ROBO2: variants seen among roughly 807,000 people sequenced by gnomAD.
ROBO2 encodes the protein roundabout guidance receptor 2.
In ROBO2, 53 loss-of-function variants were observed where a neutral mutation model predicts 160.8. The ratio of observed to expected loss-of-function variants is 0.33; its 90% confidence interval spans 0.26 to 0.41. The LOEUF is 0.41. ROBO2 is among the 10% of genes least tolerant of loss of function. The pLI, the probability that ROBO2 is intolerant of heterozygous loss-of-function variation, is 1.00. For synonymous variants in ROBO2, 664 were observed against 611.7 expected, an observed-to-expected ratio of 1.09 and a Z score of -1.26; for missense variants, 1,577 against 1,722.4, an observed-to-expected ratio of 0.92 and a Z score of 1.49.
chr3:77,148,006 A>C (rs1409765555), intron 2 of ROBO2, among the ~76,000 whole-genome samples: 1 of 152,240 alleles, frequency 6.6e-6, no homozygotes, highest in African/African-American at 2.4e-5. Context: ...CTTTGCACAC[A>C]GAGACGCGAG....
intron 2 of ROBO2, among the ~76,000 whole-genome samples, chr3:77,246,471 T>A (rs908798407): frequency 6.6e-6 from 1 of 152,018 alleles, no homozygotes; most frequent in African/African-American, 2.4e-5. Context: ...GATCAATCCT[T>A]GGTTATATAT....
chr3:77,165,642 G>T (rs1243499077), intron 2 of ROBO2, among the ~76,000 whole-genome samples: 4 of 151,636 alleles, frequency 2.6e-5, no homozygotes, highest in Non-Finnish European at 5.9e-5. Context: ...CTATATTTTT[G>T]TAAACTTTTA....
intron 2 of ROBO2, among the ~76,000 whole-genome samples, chr3:77,319,069 T>A (rs952594235): frequency 6.6e-6 from 1 of 152,176 alleles, no homozygotes; most frequent in Non-Finnish European, 1.5e-5. Flanking sequence ...AATATTACAA[T>A]ACCTGGAAAG....
chr3:76,622,598 G>T (rs918131083), intron 2 of ROBO2, among the ~76,000 whole-genome samples: 1 of 152,046 alleles, frequency 6.6e-6, no homozygotes, highest in Admixed American at 6.6e-5. Flanking sequence ...ATTCTTCATT[G>T]CCTGGTCCAA....
Position 76,450,992 on chromosome 3 carries a change from C to T in ROBO2, c.109+513390C>T, listed in dbSNP as rs575071699. ...AAAGGTTAATTTACCTCTCATTTAA[C>T]GTCCACAGTGGCCGCAGACGCCTTT... On this transcript the variant is annotated intron_variant, in intron 2 of 26. Coordinates refer to the ROBO2 transcript ENST00000487694. 7.9e-5 allele frequency among the ~76,000 whole-genome samples: 12 copies of T among 152,244 alleles called. No homozygotes were observed. The East Asian group carries it at 1.2e-3, about 15-fold the overall frequency.
At chr3:76,124,061 T>A (rs542166594) in intron 2 of ROBO2, among the ~76,000 whole-genome samples, 425 of 151,820 alleles carry the variant, frequency 2.8e-3, no homozygotes, top group African/African-American at 9.6e-3. Flanking sequence ...AATAATGAGT[T>A]TTTTTGTTTT....
In ROBO2 at chr3:77,522,878, G is replaced by A. The variant is rs559626342; in HGVS notation, c.910G>A (p.Ala304Thr). 1.9e-6 allele frequency: 3 copies of A among 1,609,430 alleles called. No individual in the cohort carries two copies. The South Asian group carries it at 3.3e-5, about 18-fold the overall frequency. The change falls in exon 6 of 26, where the codon GCC becomes ACC. Residue 304 changes from alanine (A) to threonine (T), a missense_variant. Physicochemically the swap from Ala to Thr is moderately conservative, Grantham distance 58. Around this residue, in one of 2 missense-constraint regions of ROBO2, gnomAD observed 940 missense variants for 1,135.5 expected, o/e 0.83. Transcript: ENST00000461745. ...TGAGAATCGGGTTGGAAAAATGGAAGCCTCTGCTACACTCACCGTCCGAGG... is the reference window on the plus strand; with the variant it reads ...TGAGAATCGGGTTGGAAAAATGGAAACCTCTGCTACACTCACCGTCCGAGG...
intron 2 of ROBO2, among the ~76,000 whole-genome samples, chr3:77,370,971 G>A (rs1003953109): frequency 1.3e-5 from 2 of 152,120 alleles, no homozygotes; most frequent in South Asian, 2.1e-4. Flanking sequence ...TGCAGTTGTC[G>A]TATAGTTCGG....
intron 2 of ROBO2, among the ~76,000 whole-genome samples, chr3:77,206,992 T>C (rs2083526118): frequency 6.6e-6 from 1 of 152,160 alleles, no homozygotes; most frequent in African/African-American, 2.4e-5. Flanking sequence ...GGATTGGTGA[T>C]TTCAAGGACA....
chr3:76,828,652 T>C (rs1419146641), intron 2 of ROBO2, among the ~76,000 whole-genome samples: 4 of 152,254 alleles, frequency 2.6e-5, no homozygotes, highest in Non-Finnish European at 5.9e-5. Flanking sequence ...CTTTAAAGCA[T>C]CATAAAATAT....
intron 2 of ROBO2, chr3:76,434,219 G>T: frequency 6.6e-6 from 7 of 1,055,594 alleles, no homozygotes; most frequent in Non-Finnish European, 9.0e-6. Flanking sequence ...AATATGCAGA[G>T]ATGGTCCACA....
intron 2 of ROBO2, among the ~76,000 whole-genome samples, chr3:76,228,166 A>G (rs1463971100): frequency 2.0e-5 from 3 of 152,198 alleles, no homozygotes; most frequent in African/African-American, 7.2e-5. Context: ...CAGTCTACCA[A>G]AGGATTCTCC....
chr3:77,373,428 ATCTG>A (rs1437372442), intron 2 of ROBO2, among the ~76,000 whole-genome samples: 8 of 152,088 alleles, frequency 5.3e-5, no homozygotes, highest in Non-Finnish European at 7.4e-5. Flanking sequence ...GTAAATGTAT[ATCTG>A]TCTGTCTATC....
At chr3:76,896,329 T>G (rs899170965) in intron 2 of ROBO2, among the ~76,000 whole-genome samples, 1 of 152,166 alleles carries the variant, frequency 6.6e-6, no homozygotes, top group African/African-American at 2.4e-5. Context: ...TTTAAAATAG[T>G]AAAAGTAGCC....
At chr3:76,379,923 CAT>C (rs1335288318) in intron 2 of ROBO2, among the ~76,000 whole-genome samples, 3 of 152,070 alleles carry the variant, frequency 2.0e-5, no homozygotes, top group Non-Finnish European at 4.4e-5. Context: ...GCTTTTGTCT[CAT>C]GTGTTTATTT....
At chr3:77,408,022 T>G (rs540636689) in intron 2 of ROBO2, among the ~76,000 whole-genome samples, 1 of 152,124 alleles carries the variant, frequency 6.6e-6, no homozygotes, top group African/African-American at 2.4e-5. Flanking sequence ...TAATATTTCT[T>G]ATACAGATTT....
At chr3:76,331,255 GTGTTGGCAAAA>G in intron 2 of ROBO2, among the ~76,000 whole-genome samples, 1 of 152,054 alleles carries the variant, frequency 6.6e-6, no homozygotes, top group Non-Finnish European at 1.5e-5. Flanking sequence ...ATAGTATGGG[GTGTTGGCAAAA>G]TCATTAAAAT....
chr3:77,113,844 AAAT>A (rs2073934742), intron 2 of ROBO2, among the ~76,000 whole-genome samples: 1 of 152,238 alleles, frequency 6.6e-6, no homozygotes, highest in African/African-American at 2.4e-5. Context: ...TTAAATCAGA[AAAT>A]AATAAGGCAA....
At chr3:76,338,900 C>A (rs1196665638) in intron 2 of ROBO2, among the ~76,000 whole-genome samples, 1 of 151,838 alleles carries the variant, frequency 6.6e-6, no homozygotes, top group Non-Finnish European at 1.5e-5. Context: ...ACAAACTGAT[C>A]AAAACAGAGC....
Sources: allele counts gnomAD v4.1 joint callset (sites outside exome capture counted in the v4.1 genomes callset), GRCh38; gene constraint gnomAD v4.1.1; regional missense constraint gnomAD v4.1.1; transcripts MANE v1.5; gene names NCBI Gene and HGNC (gene_info 2026-07-23, HGNC 2026-07-21).